ZNF536: variants seen among roughly 807,000 people sequenced by gnomAD.
ZNF536 encodes the protein zinc finger protein 536.
ZNF536 carries 13 observed loss-of-function variants against 84.5 expected under a neutral mutation model. The observed-to-expected ratio is 0.15, with a 90% CI of 0.10 to 0.24. ZNF536 has a LOEUF of 0.24. Among genes scored for constraint, ZNF536 ranks in the 10% least tolerant of loss-of-function variants. The probability of loss-of-function intolerance (pLI) is 1.00; values close to 1 mark genes in which losing one functional copy is unlikely to be tolerated. For synonymous variants in ZNF536, 811 were observed against 742.5 expected (o/e 1.09, Z -1.50); for missense variants, 1,536 against 1,747.5 (o/e 0.88, Z 2.16).
intron 1 of ZNF536, among the ~76,000 whole-genome samples, chr19:30,601,701 A>G (rs1374321595): frequency 6.6e-6 from 1 of 152,188 alleles, no homozygotes; most frequent in Non-Finnish European, 1.5e-5. Context: ...AGCAAGAGGC[A>G]TAATTATGGG....
intron 2 of ZNF536, among the ~76,000 whole-genome samples, chr19:30,457,056 A>AC (rs1555771668): frequency 6.6e-6 from 1 of 150,746 alleles, no homozygotes; most frequent in African/African-American, 2.4e-5. Flanking sequence ...AAAAAAAAAA[A>AC]CAAAAAAAAA....
intron 3 of ZNF536, among the ~76,000 whole-genome samples, chr19:30,361,177 A>G (rs6510150): frequency 0.73 from 111,510 of 152,204 alleles, 41,116 homozygotes; most frequent in Admixed American, 0.8. Context: ...ACCAAAAAAA[A>G]AGGGGACTTG....
chr19:30,516,047 A>G (rs542376900), intron 2 of ZNF536, among the ~76,000 whole-genome samples: 14 of 151,926 alleles, frequency 9.2e-5, no homozygotes, highest in African/African-American at 3.4e-4. Context: ...AAAAAAGAAA[A>G]AAAAGCAATA....
At chr19:30,537,889 G>A (rs1421481932) in intron 3 of ZNF536, among the ~76,000 whole-genome samples, 2 of 152,134 alleles carry the variant, frequency 1.3e-5, no homozygotes, top group African/African-American at 4.8e-5. Context: ...AGCAGCATTC[G>A]CCGTATGTAA....
At chr19:30,502,807 C>G (rs1337659245) in intron 2 of ZNF536, among the ~76,000 whole-genome samples, 3 of 152,244 alleles carry the variant, frequency 2.0e-5, no homozygotes, top group South Asian at 4.2e-4. Flanking sequence ...CGGGAAAGAG[C>G]TTGGGGACAC....
intron 3 of ZNF536, among the ~76,000 whole-genome samples, chr19:30,536,246 C>A (rs1031163502): frequency 1.3e-5 from 2 of 152,166 alleles, no homozygotes; most frequent in Non-Finnish European, 2.9e-5. Context: ...TCTTCCAATG[C>A]AGAATGCCTG....
In ZNF536 at chr19:30,268,029, A is replaced by C. The variant is rs569547561; in HGVS notation, c.-189-16043A>C. ...ATGGATAGTGATTTTCTTTTCTTCCATCTTCCTCCCCCCGCCTCCCTCCCT... is the reference window on the plus strand; with the variant it reads ...ATGGATAGTGATTTTCTTTTCTTCCCTCTTCCTCCCCCCGCCTCCCTCCCT... On this transcript the variant is annotated intron_variant, in intron 1 of 5. Transcript: ENST00000585628. 1.5e-4 allele frequency among the ~76,000 whole-genome samples: 17 copies of C among 115,258 alleles called. No individual in the cohort carries two copies. The East Asian group carries it at 3.3e-3, about 22-fold the overall frequency. The allele number at this position is 115,258 out of a possible 152,430, so 75.6% of individuals were successfully genotyped here.
chr19:30,375,439 C>A (rs2048777324), intron 1 of ZNF536, among the ~76,000 whole-genome samples: 1 of 152,078 alleles, frequency 6.6e-6, no homozygotes, highest in East Asian at 1.9e-4. Context: ...GCTCCCACCA[C>A]GCGGCACCGA....
chr19:30,511,243 G>C (rs558233931), intron 2 of ZNF536, among the ~76,000 whole-genome samples: 12 of 152,208 alleles, frequency 7.9e-5, no homozygotes, highest in Admixed American at 7.8e-4. Context: ...TCTTTTCTCT[G>C]GTTCATCTCT....
intron 1 of ZNF536, among the ~76,000 whole-genome samples, chr19:30,264,284 G>A (rs1339114456): frequency 4.6e-5 from 7 of 152,178 alleles, no homozygotes; most frequent in Admixed American, 4.6e-4. Context: ...GTGAAGGGAA[G>A]AGGGAACTCC....
At chr19:30,367,484 C>T (rs1173418114), upstream of ZNF536, among the ~76,000 whole-genome samples, 1 of 152,196 alleles carries the variant, frequency 6.6e-6, no homozygotes, top group African/African-American at 2.4e-5. Context: ...CCTGGAGTCC[C>T]TTTAGACTCC....
At chr19:30,359,453 G>A (rs1332746013) in intron 3 of ZNF536, among the ~76,000 whole-genome samples, 1 of 152,242 alleles carries the variant, frequency 6.6e-6, no homozygotes, top group African/African-American at 2.4e-5. Flanking sequence ...GCCACAGGGA[G>A]GCCAGCGACC....
intron 1 of ZNF536, among the ~76,000 whole-genome samples, chr19:30,653,897 C>T (rs890193564): frequency 6.6e-6 from 1 of 152,210 alleles, no homozygotes; most frequent in African/African-American, 2.4e-5. Context: ...TGCCCCCCTG[C>T]TGCTGGCTCT....
chr19:30,235,056 G>T (rs960800877), intron 1 of ZNF536, among the ~76,000 whole-genome samples: 8 of 152,142 alleles, frequency 5.3e-5, no homozygotes, highest in Non-Finnish European at 8.8e-5. Flanking sequence ...TTCGGTGTAG[G>T]TATGGAGAGG....
At chr19:30,261,317 A>G (rs997757251) in intron 1 of ZNF536, among the ~76,000 whole-genome samples, 2 of 150,562 alleles carry the variant, frequency 1.3e-5, no homozygotes, top group Non-Finnish European at 3.0e-5. Context: ...AAAAAAAAAA[A>G]AAAAAGAAAA....
chr19:30,609,369 T>A (rs2048009708), intron 1 of ZNF536, among the ~76,000 whole-genome samples: 1 of 152,186 alleles, frequency 6.6e-6, no homozygotes, highest in Non-Finnish European at 1.5e-5. Flanking sequence ...TAATTACTTT[T>A]TTGAGGTTAG....
At chr19:30,623,755 C>T (rs1297805166) in intron 1 of ZNF536, among the ~76,000 whole-genome samples, 2 of 152,164 alleles carry the variant, frequency 1.3e-5, no homozygotes, top group Non-Finnish European at 2.9e-5. Context: ...CTTAGTTTGT[C>T]TCCAGGCCTT....
At chr19:30,358,067 G>C (rs547142118) in intron 3 of ZNF536, among the ~76,000 whole-genome samples, 1 of 152,258 alleles carries the variant, frequency 6.6e-6, no homozygotes, top group Admixed American at 6.5e-5. Context: ...TAAGGGTAAA[G>C]AGTCTTGGTG....
intron 2 of ZNF536, among the ~76,000 whole-genome samples, chr19:30,504,730 A>G (rs1289352069): frequency 2.0e-5 from 3 of 149,594 alleles, no homozygotes; most frequent in Non-Finnish European, 4.4e-5. Flanking sequence ...CTTGTCAGGT[A>G]TGTTCTGGGC....
Sources: gnomAD v4.1 joint callset for allele counts (sites outside exome capture counted in the v4.1 genomes callset) on GRCh38, gnomAD v4.1.1 for gene constraint, MANE v1.5 for transcripts, NCBI Gene and HGNC (gene_info 2026-07-23, HGNC 2026-07-21) for gene names.